Variants in SULF2 observed in about 807,000 individuals in gnomAD.
SULF2 encodes the protein sulfatase 2, also known as extracellular sulfatase Sulf-2.
SULF2 carries 52 observed loss-of-function variants against 107.7 expected under a neutral mutation model. The observed-to-expected ratio is 0.48, with a 90% CI of 0.39 to 0.61. The LOEUF (loss-of-function observed/expected upper bound fraction) is 0.61. SULF2 is among the 20% of genes least tolerant of loss of function. The pLI is 0.00. For missense variants in SULF2, 993 were observed against 1,177.3 expected, an observed-to-expected ratio of 0.84 and a Z score of 2.29; for synonymous variants, 460 against 464.3, an observed-to-expected ratio of 0.99 and a Z score of 0.12.
In SULF2 at chr20:47,738,512, C is replaced by A. The variant is rs1232998323; in HGVS notation, c.176-1570G>T. ...GTGATATGGTTTGGCTGTGTCCCCA[C>A]CCAAATCTCATCTTGAATTGTGGCT... is the stretch of plus-strand genomic sequence containing the variant. On this transcript the variant is annotated intron_variant, in intron 2 of 20. Coordinates refer to ENST00000688720, the MANE Select transcript of SULF2 (RefSeq NM_001387048.1). Among the ~76,000 whole-genome samples the A allele has an allele frequency of 6.6e-5, 10 of 152,326 alleles. No homozygotes were observed. In the East Asian group the frequency reaches 1.9e-3, roughly 29 times the overall value.
chr20:47,678,723 G>A lies in SULF2; in HGVS notation c.1146C>T (p.Asp382=), dbSNP rs142240427. Residue 382 remains aspartate, a synonymous_variant, in exon 8 of 21, where the codon GAC becomes GAT. Coordinates refer to ENST00000688720, the MANE Select transcript of SULF2 (RefSeq NM_001387048.1). This position sits in a 1 kb window ranked among gnomAD's most constrained non-coding sequence, Gnocchi z 4.5. ...IAGLDIPADM[D]GKSILKLLDT... is the part of the protein sequence containing the mutation. The stretch of plus-strand genomic sequence containing the variant: ...CCAGCAGCTTGAGGATGGATTTCCC[G>A]TCCATATCCGCAGGTATGTCCAGGC... The A allele has an allele frequency of 8.8e-5, 142 of 1,613,944 alleles. No individual in the cohort carries two copies. The East Asian group carries it at 2.7e-3, about 31-fold the overall frequency.
intron 3 of SULF2, among the ~76,000 whole-genome samples, chr20:47,707,549 A>C (rs2088785992): frequency 6.6e-6 from 1 of 151,964 alleles, no homozygotes; most frequent in South Asian, 2.1e-4. Flanking sequence ...CCACCCTTAC[A>C]ACCTAGTTCC....
At chr20:47,684,702 T>G (rs1602639289) in intron 5 of SULF2, 121 bp from the exon 6 acceptor site, 1 of 937,252 alleles carries the variant, frequency 1.1e-6, no homozygotes, top group South Asian at 1.7e-5. Context: ...CAGGGCCAGG[T>G]GTGATCTCCT....
At position 47,657,460 on chromosome 20, in the gene SULF2, T is replaced by C. The variant is rs1336178215; in HGVS notation, c.*902A>G. On this transcript the variant is annotated 3_prime_UTR_variant, in exon 21 of 21. Coordinates refer to ENST00000688720, the MANE Select transcript of SULF2 (RefSeq NM_001387048.1). The stretch of plus-strand genomic sequence containing the variant: ...AAAGGTTCTTCATACCAACTGCTGG[T>C]CATTGGCTGGGGTTTTGAACACTGT... The C allele has an allele frequency of 6.6e-6, 1 of 152,186 alleles. No homozygotes were observed. The highest frequency in any genetic ancestry group is 1.5e-5 in the Non-Finnish European group (1 of 68,034). The allele number at this position is 152,186 out of a possible 1,614,324, so 9.4% of individuals were successfully genotyped here.
At chr20:47,748,874 A>C (rs181537696) in intron 2 of SULF2, among the ~76,000 whole-genome samples, 2 of 152,278 alleles carry the variant, frequency 1.3e-5, no homozygotes, top group East Asian at 3.9e-4. Context: ...GTTTCCTCGC[A>C]CTTGCTCACA....
intron 1 of SULF2, among the ~76,000 whole-genome samples, chr20:47,759,694 A>AAACAAC (rs199947058): frequency 3.9e-5 from 6 of 152,198 alleles, no homozygotes; most frequent in African/African-American, 1.2e-4. Context: ...TCCGTCTCAA[A>AAACAAC]AACAACAACA....
At chr20:47,779,645 C>T (rs1179532548) in intron 1 of SULF2, among the ~76,000 whole-genome samples, 3 of 152,184 alleles carry the variant, frequency 2.0e-5, no homozygotes, top group Non-Finnish European at 2.9e-5. Context: ...CTTGCTCTGT[C>T]ACTCAGGCTA....
chr20:47,771,169 G>T (rs1314324055), intron 1 of SULF2, among the ~76,000 whole-genome samples: 2 of 152,146 alleles, frequency 1.3e-5, no homozygotes, highest in Admixed American at 6.5e-5. Context: ...CCTGGCTGTC[G>T]GGGCTGGGCG....
intron 3 of SULF2, among the ~76,000 whole-genome samples, chr20:47,731,674 C>T (rs377539012): frequency 6.6e-6 from 1 of 152,174 alleles, no homozygotes; most frequent in South Asian, 2.1e-4. Flanking sequence ...TCCTCAGAAC[C>T]GAGGGGGACA....
chr20:47,697,777 A>G lies in SULF2; in HGVS notation c.567+4742T>C, dbSNP rs374008386. On this transcript the variant is annotated intron_variant, in intron 4 of 20. Coordinates refer to ENST00000688720, the MANE Select transcript of SULF2 (RefSeq NM_001387048.1). ...AAAAGGACGGACGTTCTATGTCCCC[A>G]TGCTTAGCCCCAAAAGAATCCTGAG... is the stretch of plus-strand genomic sequence containing the variant. Among the ~76,000 whole-genome samples the G allele has an allele frequency of 3.9e-5, 6 of 152,330 alleles. No individual in the cohort carries two copies. In the South Asian group the frequency reaches 1.0e-3, roughly 26 times the overall value.
chr20:47,670,179 G>A (rs188291006), intron 11 of SULF2, among the ~76,000 whole-genome samples: 7 of 152,220 alleles, frequency 4.6e-5, no homozygotes, highest in Non-Finnish European at 8.8e-5. Flanking sequence ...AATATCATCC[G>A]TCTTATAAAG....
At chr20:47,687,076 C>A (rs549088311) in intron 5 of SULF2, among the ~76,000 whole-genome samples, 2 of 152,186 alleles carry the variant, frequency 1.3e-5, no homozygotes, top group Non-Finnish European at 2.9e-5. Context: ...GCCCAAGGGC[C>A]CGGATTCCAG....
chr20:47,779,100 G>C (rs184434596), intron 1 of SULF2, among the ~76,000 whole-genome samples: 50 of 152,188 alleles, frequency 3.3e-4, no homozygotes, highest in Non-Finnish European at 3.4e-4. Context: ...TCCCTATTTA[G>C]CAATCACCAC....
At chr20:47,723,741 G>A (rs187487318) in intron 3 of SULF2, among the ~76,000 whole-genome samples, 27 of 152,324 alleles carry the variant, frequency 1.8e-4, no homozygotes, top group Admixed American at 1.5e-3. Context: ...GCCCCCGGGT[G>A]AGACCATCTG....
At chr20:47,683,414 G>T (rs2087895628) in intron 6 of SULF2, among the ~76,000 whole-genome samples, 1 of 152,182 alleles carries the variant, frequency 6.6e-6, no homozygotes, top group South Asian at 2.1e-4. Context: ...CTTATCTGTG[G>T]ATCATCTGTG....
chr20:47,773,730 CAG>C (rs2090673828), intron 1 of SULF2, among the ~76,000 whole-genome samples: 1 of 152,246 alleles, frequency 6.6e-6, no homozygotes, highest in African/African-American at 2.4e-5. Context: ...CCGACTTGAA[CAG>C]AGTCATTATT....
chr20:47,694,599 G>A lies in SULF2; in HGVS notation c.568-4304C>T, dbSNP rs937527683. Reference sequence around the variant, plus strand: ...GCTGAGAAGCCACAGCTGGGACCCCGAGGTGCAACCGGCCCCCTCTGGCAA... The same window carrying A: ...GCTGAGAAGCCACAGCTGGGACCCCAAGGTGCAACCGGCCCCCTCTGGCAA... On this transcript the variant is annotated intron_variant, in intron 4 of 20. Transcript: ENST00000688720. The surrounding 1 kb of genome is among the most constrained non-coding windows in gnomAD (Gnocchi z 4.4). Among the ~76,000 whole-genome samples, 1 of 151,672 alleles carries A rather than the reference G, an allele frequency of 6.6e-6. No individual in the cohort carries two copies. Among genetic ancestry groups the A allele is most frequent in the Non-Finnish European group, 1.5e-5 (1 of 67,988 alleles).
chr20:47,710,820 C>T (rs2088902010), intron 3 of SULF2, among the ~76,000 whole-genome samples: 1 of 152,288 alleles, frequency 6.6e-6, no homozygotes, highest in African/African-American at 2.4e-5. Context: ...CCCCTGCAGG[C>T]AGCTCTACGG....
At chr20:47,693,407 T>C (rs2088269162) in intron 4 of SULF2, among the ~76,000 whole-genome samples, 1 of 152,174 alleles carries the variant, frequency 6.6e-6, no homozygotes, top group Admixed American at 6.5e-5. Context: ...AACAGACTCA[T>C]CTTCACTACT....
Sources: gnomAD v4.1 joint callset for allele counts (sites outside exome capture counted in the v4.1 genomes callset) on GRCh38, gnomAD v4.1.1 for gene constraint, Gnocchi (gnomAD v3.1) non-coding constraint, MANE v1.5 for transcripts, NCBI Gene and HGNC (gene_info 2026-07-23, HGNC 2026-07-21) for gene names.